Variants in ADAMTSL1 observed in about 807,000 individuals in gnomAD.
The protein encoded by ADAMTSL1 is ADAMTS like 1, also known as ADAMTS-like protein 1.
In ADAMTSL1, 126 loss-of-function variants were observed where a neutral mutation model predicts 201.8. The ratio of observed to expected loss-of-function variants is 0.62; its 90% CI spans 0.54 to 0.72. ADAMTSL1 has a LOEUF of 0.72. Ranked by LOEUF, ADAMTSL1 falls within the 30% of genes least tolerant of loss-of-function variation. The pLI is 0.00. For synonymous variants in ADAMTSL1, 1,121 were observed against 903.4 expected (o/e 1.24, Z -4.32); for missense variants, 2,679 against 2,277.8 (o/e 1.18, Z -3.59).
intron 23 of ADAMTSL1, among the ~76,000 whole-genome samples, chr9:18,850,524 A>C (rs943145738): frequency 2.6e-5 from 4 of 152,174 alleles, no homozygotes; most frequent in African/African-American, 4.8e-5. Flanking sequence ...GGAGAGGCAG[A>C]CCCTACTGCC....
At chr9:18,022,515 G>C (rs1348143940) in intron 1 of ADAMTSL1, among the ~76,000 whole-genome samples, 1 of 152,036 alleles carries the variant, frequency 6.6e-6, no homozygotes, top group East Asian at 1.9e-4. Flanking sequence ...ACTTCCTCTA[G>C]GTTGTCGCAT....
upstream of ADAMTSL1, among the ~76,000 whole-genome samples, chr9:18,471,371 G>A (rs531392363): frequency 6.6e-6 from 1 of 152,322 alleles, no homozygotes; most frequent in Admixed American, 6.5e-5. Context: ...CAAAGCTTTA[G>A]TCAAGTCACT....
At chr9:18,292,659 T>C (rs1483557319) in intron 2 of ADAMTSL1, among the ~76,000 whole-genome samples, 1 of 152,150 alleles carries the variant, frequency 6.6e-6, no homozygotes, top group Non-Finnish European at 1.5e-5. Context: ...CTTTCCCCGG[T>C]GCTGGATGCT....
rs368995584 is a variant in ADAMTSL1 at position 18,680,370 on chromosome 9, C to G, written c.1195C>G (p.Arg399Gly). 1 of 1,614,106 alleles carries G rather than the reference C, an allele frequency of 6.2e-7. No individual in the cohort carries two copies. Among genetic ancestry groups the G allele is most frequent in the South Asian group, 1.1e-5 (1 of 91,082 alleles). ...SSSCGGGIQS[R>G]AVSCVEEDIQ... The stretch of plus-strand genomic sequence containing the variant: ...CTCGTGTGGGGGGGGCATCCAGAGC[C>G]GGGCAGTTTCCTGTGTGGAGGAGGA... The change falls in exon 11 of 29, where the codon CGG (arginine) becomes GGG (glycine). Residue 399 changes from arginine (R) to glycine (G), a missense_variant. By Grantham distance (125) the Arg-to-Gly change is moderately radical. Coordinates refer to ENST00000380548, the MANE Select transcript of ADAMTSL1 (RefSeq NM_001040272.6).
At chr9:18,221,560 G>A (rs541461756) in intron 2 of ADAMTSL1, among the ~76,000 whole-genome samples, 1 of 152,090 alleles carries the variant, frequency 6.6e-6, no homozygotes, top group South Asian at 2.1e-4. Context: ...GAATGTAAGA[G>A]CTTGCCTATA....
At chr9:18,596,725 A>G (rs529346879) in intron 4 of ADAMTSL1, among the ~76,000 whole-genome samples, 2 of 152,314 alleles carry the variant, frequency 1.3e-5, no homozygotes, top group African/African-American at 4.8e-5. Context: ...TTATTCATTC[A>G]ACAGATTTTT....
intron 1 of ADAMTSL1, among the ~76,000 whole-genome samples, chr9:17,986,227 T>C (rs1818923566): frequency 6.6e-6 from 1 of 152,106 alleles, no homozygotes; most frequent in South Asian, 2.1e-4. Context: ...TGGGTGTTTC[T>C]ACTTAAGGTA....
intron 2 of ADAMTSL1, among the ~76,000 whole-genome samples, chr9:18,431,409 A>G (rs1819484807): frequency 6.6e-6 from 1 of 152,228 alleles, no homozygotes; most frequent in African/African-American, 2.4e-5. Context: ...AAGCTTGTAC[A>G]TATTCATTCA....
chr9:18,839,140 C>T (rs916380256), intron 23 of ADAMTSL1, among the ~76,000 whole-genome samples: 4 of 149,238 alleles, frequency 2.7e-5, no homozygotes, highest in African/African-American at 7.4e-5. Flanking sequence ...CCCATTAACT[C>T]GTCATTTAGC....
chr9:18,754,686 G>A (rs1037783080), intron 16 of ADAMTSL1, among the ~76,000 whole-genome samples: 1 of 152,102 alleles, frequency 6.6e-6, no homozygotes, highest in Non-Finnish European at 1.5e-5. Context: ...CTTGCTCCTT[G>A]CCCATCTTGG....
chr9:18,324,688 C>T (rs1195825221), intron 2 of ADAMTSL1, among the ~76,000 whole-genome samples: 17 of 151,102 alleles, frequency 1.1e-4, no homozygotes, highest in Admixed American at 7.3e-4. Flanking sequence ...CACTTGAACC[C>T]GGGAGGCGGA....
intron 2 of ADAMTSL1, among the ~76,000 whole-genome samples, chr9:18,315,864 C>T (rs1485555276): frequency 6.6e-6 from 1 of 152,162 alleles, no homozygotes; most frequent in African/African-American, 2.4e-5. Flanking sequence ...GCGAGGGCTG[C>T]TAGCATGTTG....
intron 1 of ADAMTSL1, among the ~76,000 whole-genome samples, chr9:17,930,355 TG>T (rs1563902298): frequency 6.6e-6 from 1 of 152,106 alleles, no homozygotes; most frequent in African/African-American, 2.4e-5. Flanking sequence ...TAAGTTTTCT[TG>T]GGGGTAGTCC....
intron 2 of ADAMTSL1, among the ~76,000 whole-genome samples, chr9:18,401,571 G>A (rs1393820188): frequency 6.6e-6 from 1 of 152,212 alleles, no homozygotes; most frequent in African/African-American, 2.4e-5. Context: ...TGTAAAGTAG[G>A]AAAGTGAGTT....
chr9:18,176,132 T>C (rs1828143574), intron 2 of ADAMTSL1, among the ~76,000 whole-genome samples: 1 of 152,062 alleles, frequency 6.6e-6, no homozygotes. Context: ...TTCAAGAATG[T>C]TGTCAATTTG....
chr9:17,918,900 T>G (rs1168068810), intron 1 of ADAMTSL1, among the ~76,000 whole-genome samples: 2 of 151,946 alleles, frequency 1.3e-5, no homozygotes, highest in Non-Finnish European at 2.9e-5. Context: ...CCTTGGTGAG[T>G]TGACCCTTTA....
At chr9:18,055,292 A>G in intron 1 of ADAMTSL1, among the ~76,000 whole-genome samples, 1 of 152,116 alleles carries the variant, frequency 6.6e-6, no homozygotes, top group African/African-American at 2.4e-5. Flanking sequence ...TCACAAACAG[A>G]CTGGTTTCAT....
At chr9:18,332,713 G>A (rs914992081) in intron 2 of ADAMTSL1, among the ~76,000 whole-genome samples, 1 of 152,188 alleles carries the variant, frequency 6.6e-6, no homozygotes, top group African/African-American at 2.4e-5. Flanking sequence ...TATAAGTTAA[G>A]TTATTTTAAA....
chr9:18,762,167 T>A (rs1050286788), intron 16 of ADAMTSL1, among the ~76,000 whole-genome samples: 1 of 152,174 alleles, frequency 6.6e-6, no homozygotes, highest in African/African-American at 2.4e-5. Flanking sequence ...TGAATTCCCT[T>A]TCCTCAAAAG....
Sources: allele counts gnomAD v4.1 joint callset (sites outside exome capture counted in the v4.1 genomes callset), GRCh38; gene constraint gnomAD v4.1.1; transcripts MANE v1.5; gene names NCBI Gene and HGNC (gene_info 2026-07-23, HGNC 2026-07-21).